LARGE1: variants seen among roughly 807,000 people sequenced by gnomAD.
The protein encoded by LARGE1 is xylosyl- and glucuronyltransferase LARGE1.
In LARGE1, 43 loss-of-function variants were observed where a neutral mutation model predicts 87.6. The ratio of observed to expected loss-of-function variants is 0.49; its 90% CI spans 0.38 to 0.63. The LOEUF is 0.63. Ranked by LOEUF, LARGE1 falls within the 30% of genes least tolerant of loss-of-function variation. The pLI is 0.00. For synonymous variants in LARGE1, 434 were observed against 394.6 expected, an observed-to-expected ratio of 1.10 and a Z score of -1.18; for missense variants, 802 against 1,000.2, an observed-to-expected ratio of 0.80 and a Z score of 2.67.
chr22:33,610,107 G>A (rs1019121573), intron 4 of LARGE1, among the ~76,000 whole-genome samples: 12 of 152,116 alleles, frequency 7.9e-5, no homozygotes, highest in African/African-American at 2.7e-4. Flanking sequence ...TCCAGTCATA[G>A]GTGTTTATAG....
intron 1 of LARGE1, among the ~76,000 whole-genome samples, chr22:33,775,970 T>C (rs373500180): frequency 6.6e-6 from 1 of 152,006 alleles, no homozygotes; most frequent in African/African-American, 2.4e-5. Context: ...AAAGAAGGAT[T>C]ATGCCCCAAA....
intron 1 of LARGE1, among the ~76,000 whole-genome samples, chr22:33,772,022 T>C (rs7284823): frequency 0.2 from 30,956 of 152,158 alleles, 4,106 homozygotes; most frequent in East Asian, 0.39. Flanking sequence ...AGCAGCCTCA[T>C]TCAAACTCCA....
intron 2 of LARGE1, among the ~76,000 whole-genome samples, chr22:33,677,287 T>A (rs1411753589): frequency 1.6e-5 from 2 of 121,390 alleles, no homozygotes; most frequent in African/African-American, 4.1e-5. Flanking sequence ...CTTTCAGGAG[T>A]TAAAAAAAAA....
intron 1 of LARGE1, among the ~76,000 whole-genome samples, chr22:33,877,926 AAATAAT>A (rs775963370): frequency 3.3e-5 from 5 of 151,548 alleles, no homozygotes; most frequent in African/African-American, 9.7e-5. Flanking sequence ...TGTCTCAAAA[AAATAAT>A]AATAATAATA....
chr22:33,636,176 T>C (rs895421376), intron 3 of LARGE1, among the ~76,000 whole-genome samples: 1 of 152,182 alleles, frequency 6.6e-6, no homozygotes, highest in Non-Finnish European at 1.5e-5. Context: ...CATTAAAGGA[T>C]GAGACCGATT....
intron 1 of LARGE1, among the ~76,000 whole-genome samples, chr22:33,795,047 G>A (rs927045993): frequency 3.3e-5 from 5 of 152,190 alleles, no homozygotes; most frequent in African/African-American, 4.8e-5. Context: ...CATGTCATAG[G>A]ACTCAATGAA....
chr22:33,522,243 G>A (rs182214497), intron 6 of LARGE1, among the ~76,000 whole-genome samples: 9 of 152,310 alleles, frequency 5.9e-5, no homozygotes, highest in Admixed American at 3.3e-4. Flanking sequence ...TATTACTGAG[G>A]AAGAGCAAGA....
At chr22:33,128,048 G>A in the LARGE1 span, among the ~76,000 whole-genome samples, 1 of 152,100 alleles carries the variant, frequency 6.6e-6, no homozygotes, top group Non-Finnish European at 1.5e-5. Flanking sequence ...ACAGATGTTT[G>A]AGGTTCTGTT....
intron 2 of LARGE1, among the ~76,000 whole-genome samples, chr22:33,681,548 T>C (rs933227357): frequency 6.6e-6 from 1 of 152,196 alleles, no homozygotes; most frequent in Admixed American, 6.5e-5. Flanking sequence ...CTCAGAACAG[T>C]ACCTGGCACA....
Position 33,304,231 on chromosome 22 carries a change from G to C in LARGE1, c.1728C>G (p.Leu576=). Reference sequence around the variant, plus strand: ...GCCAGGCCCCTGCAGGTCCTTACCTGAGGTACTCATAGAGCCCATACATGG... The same window carrying C: ...GCCAGGCCCCTGCAGGTCCTTACCTCAGGTACTCATAGAGCCCATACATGG... ...FLPMYGLYEY[L]RKSVIQLDLA... Residue 576 remains leucine (L), a splice_region_variant and synonymous_variant, in exon 12 of 15, where the codon CTC becomes CTG. Coordinates refer to ENST00000397394, the MANE Select transcript of LARGE1 (RefSeq NM_133642.5). The C allele has an allele frequency of 6.2e-7, 1 of 1,614,162 alleles. No homozygotes were observed. The highest frequency in any genetic ancestry group is 8.5e-7 in the Non-Finnish European group (1 of 1,180,044).
At chr22:33,297,725 A>G (rs1933514429) in intron 12 of LARGE1, among the ~76,000 whole-genome samples, 1 of 151,762 alleles carries the variant, frequency 6.6e-6, no homozygotes, top group South Asian at 2.1e-4. Context: ...CACGCCTATA[A>G]TCCCAGCACT....
chr22:33,614,188 A>C (rs1055861675), intron 4 of LARGE1, among the ~76,000 whole-genome samples: 2 of 152,126 alleles, frequency 1.3e-5, no homozygotes, highest in African/African-American at 4.8e-5. Context: ...GCTTGATCAC[A>C]ATAGCTCCTA....
the LARGE1 span, among the ~76,000 whole-genome samples, chr22:33,078,019 C>T: frequency 6.6e-6 from 1 of 151,824 alleles, no homozygotes; most frequent in Non-Finnish European, 1.5e-5. Flanking sequence ...CAGTAGAAGA[C>T]TGGCGTAAAA....
chr22:33,602,740 G>A (rs983822595), intron 5 of LARGE1, among the ~76,000 whole-genome samples: 2 of 152,112 alleles, frequency 1.3e-5, no homozygotes, highest in African/African-American at 2.4e-5. Flanking sequence ...TCAAACTCCT[G>A]GGCTCAAGTG....
intron 3 of LARGE1, among the ~76,000 whole-genome samples, chr22:33,645,621 C>T (rs2080585474): frequency 6.6e-6 from 1 of 152,104 alleles, no homozygotes. Context: ...AGAGCTTCTG[C>T]ACAGCAAAAG....
rs2146805665 is a variant in LARGE1 at position 33,354,862 on chromosome 22, G to A, written c.1132-17061C>T. 2.0e-5 allele frequency among the ~76,000 whole-genome samples: 3 copies of A among 152,200 alleles called. No homozygotes were observed. The Middle Eastern group carries it at 0.01, about 518-fold the overall frequency. On this transcript the variant is annotated intron_variant, in intron 9 of 14. Transcript: ENST00000397394. ...AGACTATGAAACACTGTGTCACAAA[G>A]TACTAAACCAACATTTCAAAAATAA... is the stretch of plus-strand genomic sequence containing the variant.
chr22:33,216,203 G>T (rs926046490), intron 11 of LARGE1, among the ~76,000 whole-genome samples: 10 of 152,150 alleles, frequency 6.6e-5, no homozygotes, highest in Admixed American at 3.3e-4. Context: ...TGTTCTGTTT[G>T]CCAGTTCCTG....
chr22:33,771,585 CT>C (rs1195825839), intron 1 of LARGE1, among the ~76,000 whole-genome samples: 1 of 152,092 alleles, frequency 6.6e-6, no homozygotes, highest in Non-Finnish European at 1.5e-5. Flanking sequence ...GGGATCCACA[CT>C]TTCTTTCTCT....
Position 33,884,319 on chromosome 22 carries a change from G to C in LARGE1, c.-83+35676C>G, listed in dbSNP as rs1454022032. On this transcript the variant is annotated intron_variant, in intron 1 of 14. Transcript: ENST00000397394. ...GCGCTTGCAGGGAACATTATCCTGG[G>C]TCACTGTACGTTGACCCTCTTTCCT... 2.0e-5 allele frequency among the ~76,000 whole-genome samples: 3 copies of C among 152,218 alleles called. No homozygotes were observed. In the East Asian group the frequency reaches 5.8e-4, roughly 29 times the overall value.
Sources: gnomAD v4.1 joint callset for allele counts (sites outside exome capture counted in the v4.1 genomes callset) on GRCh38, gnomAD v4.1.1 for gene constraint, MANE v1.5 for transcripts, NCBI Gene and HGNC (gene_info 2026-07-23, HGNC 2026-07-21) for gene names.